VRK3: variants seen among roughly 807,000 people sequenced by gnomAD.
VRK3 encodes VRK serine/threonine kinase 3, also known as serine/threonine-protein kinase VRK3.
In VRK3, 50 loss-of-function variants were observed where a neutral mutation model predicts 60.4. That is an observed-to-expected ratio of 0.83 (90% CI 0.66 to 1.05). The LOEUF is 1.05. VRK3 is among the 50% of genes least tolerant of loss of function. The pLI is 0.00. For missense variants in VRK3, 549 were observed against 585.3 expected, an observed-to-expected ratio of 0.94 and a Z score of 0.64; for synonymous variants, 246 against 227.8, an observed-to-expected ratio of 1.08 and a Z score of -0.72.
chr19:49,993,650 T>C (rs968645082), intron 9 of VRK3, among the ~76,000 whole-genome samples: 1 of 152,148 alleles, frequency 6.6e-6, no homozygotes, highest in African/African-American at 2.4e-5. Flanking sequence ...TCCACCTGCC[T>C]CGTCCTCCCA....
At chr19:50,011,899 T>A (rs2077000560) in intron 3 of VRK3, among the ~76,000 whole-genome samples, 1 of 151,688 alleles carries the variant, frequency 6.6e-6, no homozygotes, top group Non-Finnish European at 1.5e-5. Flanking sequence ...CTGGCTCCCC[T>A]CGCCTCACCT....
At chr19:50,013,830 A>T (rs1178592229) in intron 3 of VRK3, among the ~76,000 whole-genome samples, 1 of 152,246 alleles carries the variant, frequency 6.6e-6, no homozygotes, top group African/African-American at 2.4e-5. Context: ...CAAGCAAAAT[A>T]ATGTATTTAA....
At chr19:50,019,797 C>G (rs1472929446) in intron 2 of VRK3, among the ~76,000 whole-genome samples, 1 of 146,590 alleles carries the variant, frequency 6.8e-6, no homozygotes, top group Non-Finnish European at 1.5e-5. Context: ...CTTGGCTTCC[C>G]AAAGTGCTGG....
Position 49,988,478 on chromosome 19 carries a change from T to C in VRK3, c.1111A>G (p.Ser371Gly), listed in dbSNP as rs56407496. The change falls in exon 12 of 15, where the codon AGC (serine) becomes GGC (glycine). Residue 371 changes from serine (S) to glycine (G), a missense_variant. Coordinates refer to ENST00000316763, the MANE Select transcript of VRK3 (RefSeq NM_016440.4). ...CAGTAGCCCAGGCTCTGGAGGTCGC[T>C]GCGGCGGGAGGGCCCTGGGGAAGGA... ...LHKGCGPSRRSDLQSLGYCML... is the reference protein window; with the variant it reads ...LHKGCGPSRRGDLQSLGYCML... 9.9e-3 allele frequency: 15,896 copies of C among 1,613,194 alleles called. 1,353 individuals carry two copies. The African/African-American group carries it at 0.19, about 19-fold the overall frequency.
chr19:49,983,460 T>C (rs1275927046), intron 12 of VRK3, among the ~76,000 whole-genome samples: 4 of 152,150 alleles, frequency 2.6e-5, no homozygotes, highest in Non-Finnish European at 5.9e-5. Flanking sequence ...TGGCGGCCAT[T>C]GACATACATG....
In VRK3 at chr19:49,992,951, A is replaced by G; in HGVS notation, c.872T>C (p.Leu291Pro). 1 of 1,611,386 alleles carries G rather than the reference A, an allele frequency of 6.2e-7. No homozygotes were observed. The highest frequency in any genetic ancestry group is 1.3e-5 in the African/African-American group (1 of 75,062). Residue 291 changes from leucine to proline, a missense_variant and splice_region_variant, in exon 10 of 15, where the codon CTG (leucine) becomes CCG (proline). By Grantham distance (98) the Leu-to-Pro change is moderately conservative. Coordinates refer to ENST00000316763, the MANE Select transcript of VRK3 (RefSeq NM_016440.4). ...RSVLQVACRL[L>P]DALEFLHENE... ...CTCATGGAGGAACTCCAGGGCATCC[A>G]GCTGGGGGAAGAAGCAAGTCAGTGT...
At chr19:50,013,196 T>C (rs2077023623) in intron 3 of VRK3, among the ~76,000 whole-genome samples, 2 of 152,214 alleles carry the variant, frequency 1.3e-5, no homozygotes, top group Non-Finnish European at 2.9e-5. Context: ...AAAAACACTC[T>C]GACTCTCAAG....
chr19:49,979,094 C>T lies in VRK3; in HGVS notation c.1425G>A (p.Ter475=). The T allele has an allele frequency of 6.2e-7, 1 of 1,605,932 alleles. No individual in the cohort carries two copies. Among genetic ancestry groups the T allele is most frequent in the Non-Finnish European group, 8.5e-7 (1 of 1,174,766 alleles). Residue 475 remains the stop codon, a stop_retained_variant, in exon 14 of 15, where the codon TAG becomes TAA. Coordinates refer to ENST00000316763, the MANE Select transcript of VRK3 (RefSeq NM_016440.4). ...CAAGCTCTTCCCACCTGGATTCCAC[C>T]TAGGGCACCATCGGGAGGCCAATGG... ...YDPIGLPMVP[*]
At chr19:49,985,107 C>A (rs1056965053) in intron 12 of VRK3, among the ~76,000 whole-genome samples, 1 of 152,186 alleles carries the variant, frequency 6.6e-6, no homozygotes. Flanking sequence ...CTTGTGAGAA[C>A]AGCTCAGTCT....
chr19:50,007,382 CTCAT>C (rs1169537103), intron 5 of VRK3, among the ~76,000 whole-genome samples, 183 bp downstream of exon 5: 2 of 152,314 alleles, frequency 1.3e-5, no homozygotes, highest in East Asian at 3.9e-4. Context: ...GCCTGCTGCA[CTCAT>C]TCCCACTATT....
chr19:50,000,698 C>A (rs2076788918), intron 6 of VRK3, 92 bp downstream of exon 6: 1 of 1,461,678 alleles, frequency 6.8e-7, no homozygotes, highest in East Asian at 2.5e-5. Context: ...CCCGGCCGAG[C>A]TCTCCCAGCT....
chr19:49,992,971 C>T lies in VRK3; in HGVS notation c.871-19G>A, dbSNP rs1320938235. The T allele has an allele frequency of 1.9e-6, 3 of 1,605,780 alleles. No individual in the cohort carries two copies. The highest frequency in any genetic ancestry group is 1.3e-5 in the African/African-American group (1 of 74,886). ...CATCCAGCTGGGGGAAGAAGCAAGT[C>T]AGTGTCTGCATGAGCAGTACGACTA... On this transcript the variant is annotated intron_variant, in intron 9 of 14. Coordinates refer to ENST00000316763, the MANE Select transcript of VRK3 (RefSeq NM_016440.4).
chr19:49,980,772 G>GT (rs2076408672), intron 13 of VRK3, among the ~76,000 whole-genome samples, 183 bp downstream of exon 13: 1 of 151,818 alleles, frequency 6.6e-6, no homozygotes. Context: ...TTTTTGTTTT[G>GT]TTTTTCAGAG....
intron 6 of VRK3, chr19:49,999,875 C>T (rs2076770945): frequency 6.6e-6 from 1 of 152,254 alleles, no homozygotes; most frequent in Non-Finnish European, 1.5e-5. Flanking sequence ...CTGTGCCAGA[C>T]ACACCTGAAC....
At chr19:49,988,987 G>A (rs1027722376) in intron 11 of VRK3, among the ~76,000 whole-genome samples, 1 of 152,144 alleles carries the variant, frequency 6.6e-6, no homozygotes, top group Non-Finnish European at 1.5e-5. Context: ...TATGCTTCCT[G>A]AGCATAAGAC....
At chr19:50,002,583 T>C (rs35435342) in intron 5 of VRK3, among the ~76,000 whole-genome samples, 14,124 of 152,206 alleles carry the variant, frequency 0.093, 882 homozygotes, top group East Asian at 0.15. Flanking sequence ...GGCAATTTGA[T>C]ACAATTTTAT....
At chr19:49,986,018 G>A (rs992044649) in intron 12 of VRK3, among the ~76,000 whole-genome samples, 8 of 152,244 alleles carry the variant, frequency 5.3e-5, no homozygotes, top group Non-Finnish European at 1.2e-4. Flanking sequence ...ACCAGGGGCA[G>A]TGCCTGGCAC....
chr19:50,000,458 G>A lies in VRK3; in HGVS notation c.612+332C>T, dbSNP rs117723549. On this transcript the variant is annotated intron_variant, in intron 6 of 14. Coordinates refer to ENST00000316763, the MANE Select transcript of VRK3 (RefSeq NM_016440.4). ...CTCGATACGAGCACGCTGCGAGGCC[G>A]GTGGTAGGGGGCAGATGGGCCACAC... 2.4e-3 allele frequency: 906 copies of A among 369,894 alleles called. 30 individuals carry two copies. In the East Asian group the frequency reaches 0.044, roughly 18 times the overall value. 22.9% of individuals were successfully genotyped at this position (369,894 alleles called of 1,614,324 possible). A position where few individuals can be genotyped will look rare whatever the true frequency, so the allele number is the denominator to read the frequency against.
intron 5 of VRK3, among the ~76,000 whole-genome samples, chr19:50,004,806 A>G (rs2076867459): frequency 6.6e-6 from 1 of 151,934 alleles, no homozygotes; most frequent in African/African-American, 2.4e-5. Flanking sequence ...GCTACTCGGG[A>G]GGCTGAGGGG....
Sources: allele counts gnomAD v4.1 joint callset (sites outside exome capture counted in the v4.1 genomes callset), GRCh38; gene constraint gnomAD v4.1.1; transcripts MANE v1.5; gene names NCBI Gene and HGNC (gene_info 2026-07-23, HGNC 2026-07-21).